JPH3: variants seen among roughly 807,000 people sequenced by gnomAD.
JPH3 encodes the protein junctophilin-3.
In JPH3, 11 loss-of-function variants were observed where a neutral mutation model predicts 59.6. The ratio of observed to expected loss-of-function variants is 0.18; its 90% CI spans 0.12 to 0.31. The LOEUF (loss-of-function observed/expected upper bound fraction) is 0.31. JPH3 is among the 10% of genes least tolerant of loss of function. JPH3 has a pLI of 1.00. For synonymous variants in JPH3, 673 were observed against 483.6 expected (o/e 1.39, Z -5.14); for missense variants, 1,202 against 1,105.7 (o/e 1.09, Z -1.24).
chr16:87,634,469 C>A (rs1042433123), intron 1 of JPH3, among the ~76,000 whole-genome samples: 2 of 152,230 alleles, frequency 1.3e-5, no homozygotes, highest in Non-Finnish European at 2.9e-5. Flanking sequence ...GCCTGGCCGC[C>A]TTCCCAGTGG....
intron 4 of JPH3, among the ~76,000 whole-genome samples, chr16:87,692,461 G>A (rs1284415549): frequency 1.3e-5 from 2 of 152,222 alleles, no homozygotes; most frequent in Admixed American, 1.3e-4. Context: ...GTCTCCCCTG[G>A]GCCACCAGCA....
At chr16:87,653,503 T>C (rs183079987) in intron 2 of JPH3, 105 of 152,304 alleles carry the variant, frequency 6.9e-4, no homozygotes, top group African/African-American at 1.8e-3. Context: ...GACACTCTAG[T>C]GGGCCGTCTA....
intron 2 of JPH3, among the ~76,000 whole-genome samples, chr16:87,660,709 C>T (rs1020555561): frequency 6.6e-6 from 1 of 152,192 alleles, no homozygotes; most frequent in African/African-American, 2.4e-5. Context: ...ACAGATGGAC[C>T]CCCAATCACA....
intron 2 of JPH3, among the ~76,000 whole-genome samples, chr16:87,648,285 G>A (rs971610678): frequency 7.2e-5 from 11 of 152,160 alleles, no homozygotes; most frequent in African/African-American, 2.4e-4. Flanking sequence ...CTGCCGCCCT[G>A]GAGAGTGAAG....
At position 87,684,224 on chromosome 16, in the gene JPH3, A is replaced by G. The variant is rs1407523575; in HGVS notation, c.1243A>G (p.Thr415Ala). ...AQEEARIARI[T>A]AKEFSPSFQH... is the part of the protein sequence containing the mutation. The stretch of plus-strand genomic sequence containing the variant: ...GGAGGAGGCGCGGATCGCCAGGATC[A>G]CTGCCAAAGAGTTCTCCCCTTCCTT... Residue 415 changes from threonine to alanine, a missense_variant, in exon 3 of 5, where the codon ACT becomes GCT. By Grantham distance (58) the Thr-to-Ala change is moderately conservative (BLOSUM62 0). Transcript: ENST00000284262. The G allele has an allele frequency of 6.2e-7, 1 of 1,613,820 alleles. No individual in the cohort carries two copies. The highest frequency in any genetic ancestry group is 2.2e-5 in the East Asian group (1 of 44,880).
intron 1 of JPH3, among the ~76,000 whole-genome samples, chr16:87,643,057 C>T (rs944014884): frequency 6.6e-6 from 1 of 152,152 alleles, no homozygotes; most frequent in Non-Finnish European, 1.5e-5. Context: ...CCCCACAACC[C>T]TCCCCAGCCC....
chr16:87,665,740 G>A (rs1443438479), intron 2 of JPH3, among the ~76,000 whole-genome samples: 1 of 152,170 alleles, frequency 6.6e-6, no homozygotes, highest in Non-Finnish European at 1.5e-5. Context: ...CGGCTGCCCC[G>A]AGTCTGGCTT....
chr16:87,631,274 G>A (rs1048754077), intron 1 of JPH3, among the ~76,000 whole-genome samples: 3 of 152,166 alleles, frequency 2.0e-5, no homozygotes, highest in East Asian at 1.9e-4. Context: ...TCATTTGGGT[G>A]GAGCACATCC....
intron 1 of JPH3, among the ~76,000 whole-genome samples, chr16:87,607,449 A>G (rs1032800062): frequency 8.5e-5 from 13 of 152,336 alleles, no homozygotes; most frequent in South Asian, 2.1e-4. Context: ...GCGCCTGCGC[A>G]CACACACGCG....
In JPH3 at chr16:87,644,756, A is replaced by C. The variant is rs1372901331; in HGVS notation, c.881A>C (p.Asn294Thr). The change falls in exon 2 of 5, where the codon AAC becomes ACC. Residue 294 changes from asparagine (N) to threonine (T), a missense_variant. Transcript: ENST00000284262. Reference protein sequence around the residue: ...TTETYVGEWKNDKRSGFGVSQ... With the variant: ...TTETYVGEWKTDKRSGFGVSQ... ...GAGACCTACGTGGGCGAGTGGAAGA[A>C]CGACAAACGCTCCGGCTTCGGCGTG... 1 of 1,612,574 alleles carries C rather than the reference A, an allele frequency of 6.2e-7. No individual in the cohort carries two copies. The highest frequency in any genetic ancestry group is 1.3e-5 in the African/African-American group (1 of 74,606).
intron 2 of JPH3, among the ~76,000 whole-genome samples, chr16:87,666,437 G>C (rs563226506): frequency 1.5e-4 from 23 of 151,958 alleles, no homozygotes; most frequent in South Asian, 4.2e-4. Flanking sequence ...TTTTGCCCAG[G>C]CTGGAGTACA....
chr16:87,606,370 G>C (rs1331688413), intron 1 of JPH3, among the ~76,000 whole-genome samples: 1 of 152,242 alleles, frequency 6.6e-6, no homozygotes, highest in Non-Finnish European at 1.5e-5. Flanking sequence ...GCTGGAATTG[G>C]TGTGGAATTT....
intron 1 of JPH3, 60 bp from the exon 2 acceptor site, chr16:87,644,198 G>A: frequency 6.6e-7 from 1 of 1,519,008 alleles, no homozygotes; most frequent in Non-Finnish European, 8.9e-7. Context: ...CCTGTCCGTG[G>A]CCAGGCTGTG....
chr16:87,631,968 A>G (rs2031579051), intron 1 of JPH3, among the ~76,000 whole-genome samples: 2 of 151,714 alleles, frequency 1.3e-5, no homozygotes, highest in African/African-American at 4.9e-5. Context: ...CACCTGCTGC[A>G]TTTTCTGATT....
At position 87,602,542 on chromosome 16, in the gene JPH3, G is replaced by T. The variant is rs984491126; in HGVS notation, c.-605G>T. 1.4e-5 allele frequency among the ~76,000 whole-genome samples: 2 copies of T among 139,366 alleles called. No homozygotes were observed. Among genetic ancestry groups the T allele is most frequent in the Admixed American group, 1.4e-4 (2 of 14,338 alleles). 91.4% of individuals were successfully genotyped at this position (139,366 alleles called of 152,430 possible). A position where few individuals can be genotyped will look rare whatever the true frequency, so the allele number is the denominator to read the frequency against. On this transcript the variant is annotated 5_prime_UTR_variant, in exon 1 of 5. Transcript: ENST00000284262. ...AGCCGGGCCCGGAGCGCACGCCGCC[G>T]CCGCCACCGCCGCCGCCGCCGCCCG...
At chr16:87,634,904 T>C (rs2031684018) in intron 1 of JPH3, among the ~76,000 whole-genome samples, 1 of 152,150 alleles carries the variant, frequency 6.6e-6, no homozygotes, top group South Asian at 2.1e-4. Context: ...GACACTGGGG[T>C]TATTTTACCT....
intron 2 of JPH3, among the ~76,000 whole-genome samples, chr16:87,648,488 C>T (rs1172016610): frequency 6.6e-6 from 1 of 152,132 alleles, no homozygotes; most frequent in African/African-American, 2.4e-5. Context: ...CAGGGCTTGT[C>T]AGGCCGCGTG....
At chr16:87,639,083 G>C (rs1185192716) in intron 1 of JPH3, among the ~76,000 whole-genome samples, 1 of 152,150 alleles carries the variant, frequency 6.6e-6, no homozygotes, top group Non-Finnish European at 1.5e-5. Flanking sequence ...CCCCTCTCCA[G>C]CCTCAGTTGC....
intron 1 of JPH3, among the ~76,000 whole-genome samples, chr16:87,609,825 C>G (rs759689743): frequency 2.0e-5 from 3 of 152,162 alleles, no homozygotes; most frequent in Non-Finnish European, 1.5e-5. Context: ...TCATGGAAGA[C>G]AATTTTTCTA....
Sources: gnomAD v4.1 joint callset for allele counts (sites outside exome capture counted in the v4.1 genomes callset) on GRCh38, gnomAD v4.1.1 for gene constraint, MANE v1.5 for transcripts, NCBI Gene and HGNC (gene_info 2026-07-23, HGNC 2026-07-21) for gene names.